The following WIZ variants were observed in gnomAD, a reference collection of about 807,000 sequenced individuals.
WIZ encodes protein Wiz.
A neutral mutation model predicts 140.2 loss-of-function variants in WIZ; 25 were observed. The observed-to-expected ratio is 0.18, with a 90% CI of 0.13 to 0.25. The LOEUF (loss-of-function observed/expected upper bound fraction) is 0.25. Among genes scored for constraint, WIZ ranks in the 10% least tolerant of loss-of-function variants. The pLI, the probability that WIZ is intolerant of heterozygous loss-of-function variation, is 1.00. For missense variants in WIZ, 2,231 were observed against 2,632.6 expected, an observed-to-expected ratio of 0.85 and a Z score of 3.34; for synonymous variants, 1,125 against 1,154.3, an observed-to-expected ratio of 0.97 and a Z score of 0.51.
chr19:15,437,596 C>T (rs1473669242), intron 4 of WIZ, among the ~76,000 whole-genome samples: 2 of 152,212 alleles, frequency 1.3e-5, no homozygotes, highest in African/African-American at 4.8e-5. Flanking sequence ...TTTGAGGCTG[C>T]AGTGAGCTAT....
chr19:15,438,621 C>T lies in WIZ; in HGVS notation c.2373G>A (p.Lys791=). 2.6e-6 allele frequency: 4 copies of T among 1,526,108 alleles called. No homozygotes were observed. The highest frequency in any genetic ancestry group is 3.5e-6 in the Non-Finnish European group (4 of 1,138,790). The allele number at this position is 1,526,108 out of a possible 1,614,324, so 94.5% of individuals were successfully genotyped here. A position where few individuals can be genotyped will look rare whatever the true frequency, so the allele number is the denominator to read the frequency against. The change falls in exon 4 of 13, where the codon AAG becomes AAA. Residue 791 remains lysine (K), a synonymous_variant. Coordinates refer to ENST00000673675, the MANE Select transcript of WIZ (RefSeq NM_001371589.1). The part of the protein sequence containing the change: ...VRHFISAEEV[K]AIERRFSFQK... Reference sequence around the variant, plus strand: ...GGAAGGAGAACCTGCGCTCAATGGCCTTCACCTCCTCAGCGGAGATGAAAT... The same window carrying T: ...GGAAGGAGAACCTGCGCTCAATGGCTTTCACCTCCTCAGCGGAGATGAAAT...
Position 15,438,872 on chromosome 19 carries a change from C to G in WIZ, c.2122G>C (p.Glu708Gln), listed in dbSNP as rs760244160. ...GGGTGGGCGCCTGCCAGCCCCAGCT[C>G]CTCGGGCTGCAACCTTGGGGGCACC... is the stretch of plus-strand genomic sequence containing the variant. The part of the protein sequence containing the change: ...ARVPPRLQPE[E>Q]LGLAGAHPLD... Residue 708 changes from glutamate (E) to glutamine (Q), a missense_variant, in exon 4 of 13, where the codon GAG (glutamate) becomes CAG (glutamine). By Grantham distance (29) the Glu-to-Gln change is conservative. This residue lies in a region of WIZ where 475 missense variants were observed against 520.2 expected (regional missense o/e 0.91). Transcript: ENST00000673675. 6.8e-6 allele frequency: 10 copies of G among 1,462,574 alleles called. No individual in the cohort carries two copies. The South Asian group carries it at 1.3e-4, about 20-fold the overall frequency. The allele number at this position is 1,462,574 out of a possible 1,614,324, so 90.6% of individuals were successfully genotyped here.
At chr19:15,431,654 T>C (rs966188221) in intron 5 of WIZ, among the ~76,000 whole-genome samples, 3 of 152,108 alleles carry the variant, frequency 2.0e-5, no homozygotes, top group African/African-American at 7.2e-5. Flanking sequence ...TTGTGAGGAA[T>C]CTCCACCAGA....
At chr19:15,423,332 G>T in intron 12 of WIZ, 97 bp from the exon 13 acceptor site, 1 of 1,460,304 alleles carries the variant, frequency 6.8e-7, no homozygotes, top group Non-Finnish European at 9.2e-7. Context: ...CTGCTACTCA[G>T]TGTGGACAGA....
chr19:15,438,994 G>A lies in WIZ; in HGVS notation c.2000C>T (p.Ala667Val). Residue 667 changes from alanine to valine, a missense_variant, in exon 4 of 13, where the codon GCA (alanine) becomes GTA (valine). Coordinates refer to ENST00000673675, the MANE Select transcript of WIZ (RefSeq NM_001371589.1). Reference sequence around the variant, plus strand: ...CTGCTGCCCCTGGGTGGCCTCTACTGCCTGCAGGGCCTCTCGGAATGCCTG... The same window carrying A: ...CTGCTGCCCCTGGGTGGCCTCTACTACCTGCAGGGCCTCTCGGAATGCCTG... ...LKQAFREALQ[A>V]VEATQGQQQQ... 1 of 1,477,392 alleles carries A rather than the reference G, an allele frequency of 6.8e-7. No homozygotes were observed. The highest frequency in any genetic ancestry group is 1.3e-5 in the South Asian group (1 of 76,012). 91.5% of individuals were successfully genotyped at this position (1,477,392 alleles called of 1,614,324 possible).
At chr19:15,436,475 T>G in intron 5 of WIZ, 6 of 236,292 alleles carry the variant, frequency 2.5e-5, no homozygotes, top group East Asian at 9.4e-5. Context: ...CCTTATAGGA[T>G]TGTTGTGAGG....
intron 1 of WIZ, among the ~76,000 whole-genome samples, 166 bp from the exon 2 acceptor site, chr19:15,448,533 C>A (rs1420152639): frequency 6.6e-6 from 1 of 152,050 alleles, no homozygotes; most frequent in African/African-American, 2.4e-5. Context: ...CACCTTCTAT[C>A]CCAATGGCCC....
Position 15,440,183 on chromosome 19 carries a change from C to T in WIZ, c.811G>A (p.Glu271Lys). 1 of 1,532,146 alleles carries T rather than the reference C, an allele frequency of 6.5e-7. No individual in the cohort carries two copies. Among genetic ancestry groups the T allele is most frequent in the African/African-American group, 1.4e-5 (1 of 72,984 alleles). 94.9% of individuals were successfully genotyped at this position (1,532,146 alleles called of 1,614,324 possible). The change falls in exon 4 of 13, where the codon GAG (glutamate) becomes AAG (lysine). Residue 271 changes from glutamate (E) to lysine (K), a missense_variant. This residue lies in a region of WIZ where 307 missense variants were observed against 294.1 expected (regional missense o/e 1.04). Transcript: ENST00000673675. This position sits in a 1 kb window ranked among gnomAD's most constrained non-coding sequence, Gnocchi z 6.2. ...GGCTGCAGCCGCTCCACAGAAGCCT[C>T]CGAGTTCACTGTCCAGGTCTGTGTG... ...VATQTWTVNS[E>K]ASVERLQPLL... is the part of the protein sequence containing the mutation.
At chr19:15,433,707 G>T (rs569976208) in intron 5 of WIZ, among the ~76,000 whole-genome samples, 10 of 152,342 alleles carry the variant, frequency 6.6e-5, no homozygotes, top group African/African-American at 2.2e-4. Flanking sequence ...CAAGCCAGAC[G>T]TGGGTGAGCT....
At chr19:15,449,525 G>A (rs1970039291) in intron 1 of WIZ, 1 of 152,286 alleles carries the variant, frequency 6.6e-6, no homozygotes, top group Non-Finnish European at 1.5e-5. Flanking sequence ...CCACTCCTCG[G>A]GGGTCCAGGG....
intron 2 of WIZ, among the ~76,000 whole-genome samples, chr19:15,443,174 C>T (rs531034722): frequency 1.8e-4 from 28 of 152,348 alleles, no homozygotes; most frequent in Non-Finnish European, 3.2e-4. Context: ...TGGGTTCAAG[C>T]GATTCTCCTA....
Position 15,425,560 on chromosome 19 carries a change from A to G in WIZ, c.4575T>C (p.Ala1525=). The stretch of plus-strand genomic sequence containing the variant: ...CAGCCAGGGCAGGGGCCAGGTCTCC[A>G]GCCGGTGGCTCCTTCTTGATGAGGC... The part of the protein sequence containing the change: ...KPCLIKKEPP[A]GDLAPALAED... The change falls in exon 10 of 13, where the codon GCT becomes GCC. Residue 1525 remains alanine (A), a synonymous_variant. Transcript: ENST00000673675. 1.2e-6 allele frequency: 2 copies of G among 1,613,006 alleles called. No individual in the cohort carries two copies. Among genetic ancestry groups the G allele is most frequent in the Non-Finnish European group, 1.7e-6 (2 of 1,179,566 alleles).
At chr19:15,429,183 C>A (rs968808321) in intron 7 of WIZ, among the ~76,000 whole-genome samples, 3 of 152,180 alleles carry the variant, frequency 2.0e-5, no homozygotes, top group African/African-American at 4.8e-5. Context: ...GTGGGCACCT[C>A]CCATCAGGTG....
rs1050725350 is a variant in WIZ, at chr19:15,428,060, G to A, written c.3814+50C>T. On this transcript the variant is annotated intron_variant, in intron 8 of 12. Transcript: ENST00000673675. The surrounding 1 kb of genome is among the most constrained non-coding windows in gnomAD (Gnocchi z 6.4). ...GGGGGCTGTGACCCCCCCCCCGGGAGGGGCTCCAGGGCCCGCAGTGAGGAG... is the reference window on the plus strand; with the variant it reads ...GGGGGCTGTGACCCCCCCCCCGGGAAGGGCTCCAGGGCCCGCAGTGAGGAG... 80 of 1,518,236 alleles carry A rather than the reference G, an allele frequency of 5.3e-5. No homozygotes were observed. In the African/African-American group the frequency reaches 9.4e-4, roughly 18 times the overall value. The allele number at this position is 1,518,236 out of a possible 1,614,324, so 94.0% of individuals were successfully genotyped here.
At chr19:15,438,101 T>C (rs1969583924) in intron 4 of WIZ, among the ~76,000 whole-genome samples, 1 of 152,228 alleles carries the variant, frequency 6.6e-6, no homozygotes, top group Admixed American at 6.5e-5. Context: ...GTGCTCCTGT[T>C]GGAAACAGAC....
chr19:15,444,638 A>G (rs947854643), intron 2 of WIZ, among the ~76,000 whole-genome samples: 1 of 152,168 alleles, frequency 6.6e-6, no homozygotes, highest in African/African-American at 2.4e-5. Context: ...CCTGGGTGCA[A>G]GGGCTGGTTT....
chr19:15,430,219 A>C (rs1969144071), intron 6 of WIZ, 130 bp from the exon 7 acceptor site: 1 of 1,305,828 alleles, frequency 7.7e-7, no homozygotes, highest in Non-Finnish European at 1.0e-6. Context: ...AGGCCCCCCA[A>C]ACCTCACAAT....
rs915974414 is a variant in WIZ, at chr19:15,444,034, C to T, written c.206-1286G>A. On this transcript the variant is annotated intron_variant, in intron 2 of 12. Coordinates refer to ENST00000673675, the MANE Select transcript of WIZ (RefSeq NM_001371589.1). ...GCCTGACGTGGGTAAGCTTGCCAAT[C>T]GGGGAGCAGGCCAATTGCCCGGGCC... is the stretch of plus-strand genomic sequence containing the variant. Among the ~76,000 whole-genome samples the T allele has an allele frequency of 3.3e-5, 5 of 152,294 alleles. No individual in the cohort carries two copies. In the East Asian group the frequency reaches 5.8e-4, roughly 18 times the overall value.
rs1568282159 is a variant in WIZ, at chr19:15,423,038, CAG to C, written c.*36_*37del. Reference sequence around the variant, plus strand: ...GACACAGAGGAGGAAGAAGAGGAGACAGAGGTGGCACGAGAGGGGATCTGGAA... The same window carrying C: ...GACACAGAGGAGGAAGAAGAGGAGACAGGTGGCACGAGAGGGGATCTGGAA... On this transcript the variant is annotated 3_prime_UTR_variant, in exon 13 of 13. Coordinates refer to ENST00000673675, the MANE Select transcript of WIZ (RefSeq NM_001371589.1). The C allele has an allele frequency of 1.9e-6, 3 of 1,600,320 alleles. No individual in the cohort carries two copies. Among genetic ancestry groups the C allele is most frequent in the East Asian group, 2.2e-5 (1 of 44,616 alleles).
Sources: allele counts gnomAD v4.1 joint callset (sites outside exome capture counted in the v4.1 genomes callset), GRCh38; gene constraint gnomAD v4.1.1; regional missense constraint gnomAD v4.1.1; non-coding constraint Gnocchi (gnomAD v3.1); transcripts MANE v1.5; gene names NCBI Gene and HGNC (gene_info 2026-07-23, HGNC 2026-07-21).